The following ATXN7 variants were observed in gnomAD, a reference collection of about 807,000 sequenced individuals.
ATXN7 encodes the protein ataxin-7.
A neutral mutation model predicts 70.5 loss-of-function variants in ATXN7; 12 were observed. The ratio of observed to expected loss-of-function variants is 0.17; its 90% CI spans 0.11 to 0.28. The LOEUF (loss-of-function observed/expected upper bound fraction) is 0.28. Ranked by LOEUF, ATXN7 falls within the 10% of genes least tolerant of loss-of-function variation. ATXN7 has a pLI of 1.00. For synonymous variants in ATXN7, 498 were observed against 448.7 expected, an observed-to-expected ratio of 1.11 and a Z score of -1.39; for missense variants, 1,256 against 1,131.7, an observed-to-expected ratio of 1.11 and a Z score of -1.58.
chr3:63,935,821 T>C (rs1348624694), intron 4 of ATXN7, among the ~76,000 whole-genome samples: 1 of 152,166 alleles, frequency 6.6e-6, no homozygotes, highest in Non-Finnish European at 1.5e-5. Flanking sequence ...ATTTGATCAT[T>C]TTACTGCATT....
At chr3:63,946,959 AC>A (rs956028330) in intron 4 of ATXN7, among the ~76,000 whole-genome samples, 1 of 152,096 alleles carries the variant, frequency 6.6e-6, no homozygotes, top group African/African-American at 2.4e-5. Flanking sequence ...CCATACCTTG[AC>A]CTTGGGCACT....
intron 1 of ATXN7, among the ~76,000 whole-genome samples, chr3:63,896,868 C>G (rs1343111431): frequency 1.3e-5 from 2 of 152,152 alleles, no homozygotes; most frequent in Non-Finnish European, 2.9e-5. Context: ...TATTCTGAAT[C>G]TGATGACTTC....
intron 11 of ATXN7, 31 bp downstream of exon 11, chr3:63,990,890 T>C (rs1487647145): frequency 6.2e-7 from 1 of 1,614,200 alleles, no homozygotes; most frequent in South Asian, 1.1e-5. Context: ...GGAGAGGAGC[T>C]GACTTTACAC....
chr3:63,970,400 T>A (rs900550407), intron 5 of ATXN7, among the ~76,000 whole-genome samples: 4 of 152,152 alleles, frequency 2.6e-5, no homozygotes, highest in Non-Finnish European at 5.9e-5. Context: ...AAGCTGTTTT[T>A]TGAAAGACAA....
intron 1 of ATXN7, among the ~76,000 whole-genome samples, chr3:63,873,134 G>A (rs1318007468): frequency 6.6e-6 from 1 of 152,018 alleles, no homozygotes; most frequent in East Asian, 1.9e-4. Flanking sequence ...TGAAATTCAT[G>A]GTTTAATTAC....
chr3:63,937,352 A>C (rs911657472), intron 4 of ATXN7, among the ~76,000 whole-genome samples: 17 of 152,184 alleles, frequency 1.1e-4, no homozygotes, highest in Admixed American at 9.8e-4. Context: ...TGGGGAGGAA[A>C]TGTGGATTGT....
rs1187843632 is a variant in ATXN7, at chr3:63,946,505, T to C, written c.395-5874T>C. On this transcript the variant is annotated intron_variant, in intron 4 of 12. Coordinates refer to ENST00000674280, the MANE Select transcript of ATXN7 (RefSeq NM_001377405.1). ...ATACAAAAAGAAAATTAGCCGGGCA[T>C]GGTAGTGGGCGCCTGTAGTCCCAGC... Among the ~76,000 whole-genome samples, 3 of 152,058 alleles carry C rather than the reference T, an allele frequency of 2.0e-5. No individual in the cohort carries two copies. In the South Asian group the frequency reaches 6.2e-4, roughly 32 times the overall value.
intron 4 of ATXN7, among the ~76,000 whole-genome samples, chr3:63,914,093 C>T (rs1295076447): frequency 1.3e-5 from 2 of 152,086 alleles, no homozygotes; most frequent in Non-Finnish European, 2.9e-5. Flanking sequence ...GAGGTTTGGC[C>T]CCGGAATACT....
chr3:63,912,106 C>G (rs1704042495), intron 2 of ATXN7: 1 of 152,200 alleles, frequency 6.6e-6, no homozygotes, highest in South Asian at 2.1e-4. Flanking sequence ...CCGGGTGCCG[C>G]CGCTCGGACG....
rs2075836702 is a variant in ATXN7, at chr3:64,001,862, GAATTA to G, written c.*2402_*2406del. Reference sequence around the variant, plus strand: ...AACACGGGAGTACAAGTATTTTTTTGAATTAAATTAACTTGCAAAAACCAAATTTG... The same window carrying G: ...AACACGGGAGTACAAGTATTTTTTTGAATTAACTTGCAAAAACCAAATTTG... On this transcript the variant is annotated 3_prime_UTR_variant, in exon 13 of 13. Transcript: ENST00000674280. 6.6e-6 allele frequency: 1 copy of G among 151,722 alleles called. No individual in the cohort carries two copies. The highest frequency in any genetic ancestry group is 6.6e-5 in the Admixed American group (1 of 15,258). 9.4% of individuals were successfully genotyped at this position (151,722 alleles called of 1,614,324 possible). A position where few individuals can be genotyped will look rare whatever the true frequency, so the allele number is the denominator to read the frequency against.
chr3:63,989,367 G>A (rs1274238225), intron 9 of ATXN7, among the ~76,000 whole-genome samples: 1 of 152,220 alleles, frequency 6.6e-6, no homozygotes, highest in African/African-American at 2.4e-5. Context: ...GTAAGAGGCT[G>A]TAGGCTATCC....
At chr3:63,967,263 T>C (rs943705366) in intron 5 of ATXN7, among the ~76,000 whole-genome samples, 1 of 152,188 alleles carries the variant, frequency 6.6e-6, no homozygotes, top group African/African-American at 2.4e-5. Flanking sequence ...CCTCTAGTGA[T>C]TGAACAACAA....
intron 4 of ATXN7, among the ~76,000 whole-genome samples, chr3:63,947,561 C>T (rs1459884159): frequency 1.3e-5 from 2 of 152,110 alleles, no homozygotes; most frequent in African/African-American, 2.4e-5. Context: ...CACTGCACTC[C>T]AGCCTGGGCG....
chr3:63,943,981 G>A (rs1037767814), intron 4 of ATXN7, among the ~76,000 whole-genome samples: 6 of 152,122 alleles, frequency 3.9e-5, no homozygotes, highest in Non-Finnish European at 4.4e-5. Context: ...AAAGTTGTAG[G>A]TTGCCCTTGG....
chr3:63,933,634 G>A (rs1258227155), intron 4 of ATXN7, among the ~76,000 whole-genome samples: 1 of 152,092 alleles, frequency 6.6e-6, no homozygotes, highest in Non-Finnish European at 1.5e-5. Context: ...GGGTTGAACA[G>A]GAAACAAAAT....
At chr3:63,982,522 A>G (rs2075506118) in intron 7 of ATXN7, 77 bp downstream of exon 7, 6 of 1,244,820 alleles carry the variant, frequency 4.8e-6, no homozygotes, top group South Asian at 2.9e-5. Flanking sequence ...ATCAACTGCA[A>G]TCTAGAATTC....
chr3:63,863,885 C>T lies in ATXN7; in HGVS notation c.-384C>T. Reference sequence around the variant, plus strand: ...AACTCCCACAATGCAGCCGGGTAAACAGCCATGGAGGAGGAGGCGGCGGCG... The same window carrying T: ...AACTCCCACAATGCAGCCGGGTAAATAGCCATGGAGGAGGAGGCGGCGGCG... On this transcript the variant is annotated 5_prime_UTR_variant, in exon 1 of 13. An upstream open reading frame in the 5' UTR gains an earlier in-frame stop. Transcript: ENST00000674280. 8 of 1,173,872 alleles carry T rather than the reference C, an allele frequency of 6.8e-6. No individual in the cohort carries two copies. The highest frequency in any genetic ancestry group is 6.3e-6 in the Non-Finnish European group (6 of 956,152). 72.7% of individuals were successfully genotyped at this position (1,173,872 alleles called of 1,614,324 possible).
intron 4 of ATXN7, among the ~76,000 whole-genome samples, chr3:63,915,486 C>T (rs1458878280): frequency 1.3e-5 from 2 of 152,192 alleles, no homozygotes; most frequent in African/African-American, 4.8e-5. Flanking sequence ...TTGTAGGCTG[C>T]TTCAGAAATG....
At chr3:63,897,663 G>A (rs1559623681) in intron 1 of ATXN7, among the ~76,000 whole-genome samples, 1 of 152,172 alleles carries the variant, frequency 6.6e-6, no homozygotes, top group Non-Finnish European at 1.5e-5. Context: ...AGCCTGTCTT[G>A]TGCTTTATAC....
Sources: gnomAD v4.1 joint callset for allele counts (sites outside exome capture counted in the v4.1 genomes callset) on GRCh38, gnomAD v4.1.1 for gene constraint, MANE v1.5 for transcripts, NCBI Gene and HGNC (gene_info 2026-07-23, HGNC 2026-07-21) for gene names.